Variants in IGLL5 observed in about 807,000 individuals in gnomAD.
IGLL5 encodes the protein immunoglobulin lambda-like polypeptide 5.
In IGLL5, 30 loss-of-function variants were observed where a neutral mutation model predicts 20.9. The observed-to-expected ratio is 1.44, with a 90% CI of 1.07 to 1.95. The LOEUF is 1.95. Ranked by LOEUF, IGLL5 falls within the 30% of genes most tolerant of loss-of-function variation. The pLI, the probability that IGLL5 is intolerant of heterozygous loss-of-function variation, is 0.00. For missense variants in IGLL5, 475 were observed against 270.7 expected (o/e 1.75, Z -5.30); for synonymous variants, 203 against 117.3 (o/e 1.73, Z -4.72).
At chr22:22,888,385 C>T (rs143692709) in intron 1 of IGLL5, 126 bp downstream of exon 1, 15 of 760,994 alleles carry the variant, frequency 2.0e-5, no homozygotes, top group African/African-American at 7.2e-5. Context: ...TGGGCTGACA[C>T]TGGCTTTAGT....
intron 2 of IGLL5, among the ~76,000 whole-genome samples, chr22:22,894,638 A>C (rs191514906): frequency 2.0e-5 from 3 of 150,330 alleles, no homozygotes; most frequent in East Asian, 2.1e-4. Flanking sequence ...CTCCATGGCT[A>C]CCAGGTGAAG....
chr22:22,888,973 G>T (rs188800984), intron 1 of IGLL5, among the ~76,000 whole-genome samples: 2 of 151,378 alleles, frequency 1.3e-5, no homozygotes, highest in East Asian at 2.0e-4. Context: ...GGAGAGCACA[G>T]GATGAGGCTG....
intron 2 of IGLL5, among the ~76,000 whole-genome samples, chr22:22,894,108 T>C (rs536236188): frequency 6.6e-6 from 1 of 151,478 alleles, no homozygotes; most frequent in African/African-American, 2.4e-5. Flanking sequence ...GGACAGAGGC[T>C]GGTTCTGATG....
rs2146054180 is a variant in IGLL5, at chr22:22,895,474, A to T, written c.425A>T (p.Tyr142Phe). Residue 142 changes from tyrosine to phenylalanine, a missense_variant, in exon 3 of 3, where the codon TAC becomes TTC. Transcript: ENST00000526893. ...CTAGTGTGTCTGATCAGTGACTTCT[A>T]CCCGGGAGCTGTGACAGTGGCCTGG... ...ATLVCLISDFYPGAVTVAWKA... is the reference protein window; with the variant it reads ...ATLVCLISDFFPGAVTVAWKA... The T allele has an allele frequency of 6.2e-7, 1 of 1,612,710 alleles. No homozygotes were observed. Among genetic ancestry groups the T allele is most frequent in the South Asian group, 1.1e-5 (1 of 90,994 alleles).
intron 1 of IGLL5, among the ~76,000 whole-genome samples, chr22:22,891,408 C>A (rs1469711568): frequency 1.3e-5 from 2 of 151,104 alleles, no homozygotes; most frequent in Non-Finnish European, 2.9e-5. Context: ...TTGAGCTATT[C>A]CTGCGCCCAC....
At chr22:22,893,964 C>A (rs762216744) in intron 2 of IGLL5, 146 bp downstream of exon 2, 4 of 689,876 alleles carry the variant, frequency 5.8e-6, no homozygotes, top group East Asian at 2.7e-5. Flanking sequence ...GGAGGAGGTG[C>A]ATTAGTCTCC....
intron 1 of IGLL5, among the ~76,000 whole-genome samples, chr22:22,890,356 G>A (rs2067793873): frequency 6.9e-6 from 1 of 145,340 alleles, no homozygotes; most frequent in South Asian, 2.3e-4. Context: ...GTTGGTGCTG[G>A]GATTTTATTT....
At chr22:22,894,614 A>C (rs543448510) in intron 2 of IGLL5, among the ~76,000 whole-genome samples, 1 of 151,036 alleles carries the variant, frequency 6.6e-6, no homozygotes, top group East Asian at 2.1e-4. Flanking sequence ...GGAGTGAATG[A>C]GGGGTGCAGA....
rs762998471 is a variant in IGLL5, at chr22:22,888,214, C to T, written c.161C>T (p.Ala54Val). The change falls in exon 1 of 3, where the codon GCC becomes GTC. Residue 54 changes from alanine (A) to valine (V), a missense_variant. Ala to Val is a moderately conservative substitution (Grantham distance 64, BLOSUM62 0). Coordinates refer to ENST00000526893, the MANE Select transcript of IGLL5 (RefSeq NM_001178126.2). Reference protein sequence around the residue: ...APQSGDPDPGASVGSSRSSLR... With the variant: ...APQSGDPDPGVSVGSSRSSLR... ...CAAAGCGGGGACCCAGACCCTGGAG[C>T]CTCAGTTGGAAGCAGCCGATCCAGC... The T allele has an allele frequency of 1.9e-5, 30 of 1,548,368 alleles. No homozygotes were observed. The highest frequency in any genetic ancestry group is 7.9e-5 in the Admixed American group (4 of 50,752).
chr22:22,888,709 G>C (rs140947096), intron 1 of IGLL5, among the ~76,000 whole-genome samples: 12 of 151,262 alleles, frequency 7.9e-5, no homozygotes, highest in Middle Eastern at 3.7e-3. Flanking sequence ...CAAGGGCTTG[G>C]TTTGGTCTCC....
chr22:22,891,910 T>C (rs561230909), intron 1 of IGLL5, among the ~76,000 whole-genome samples: 1 of 151,234 alleles, frequency 6.6e-6, no homozygotes, highest in South Asian at 2.1e-4. Context: ...TCTCCGTGTG[T>C]GTGTGTGTGT....
At chr22:22,894,368 C>A (rs1451504272) in intron 2 of IGLL5, among the ~76,000 whole-genome samples, 2 of 151,424 alleles carry the variant, frequency 1.3e-5, no homozygotes, top group African/African-American at 2.4e-5. Flanking sequence ...TAGGCTGCAG[C>A]TCTGTGGCCT....
intron 1 of IGLL5, among the ~76,000 whole-genome samples, chr22:22,888,821 T>A (rs563860019): frequency 2.0e-5 from 3 of 151,324 alleles, no homozygotes; most frequent in East Asian, 4.1e-4. Flanking sequence ...GTCCAGTCAT[T>A]GGAACAGGCC....
intron 1 of IGLL5, among the ~76,000 whole-genome samples, chr22:22,889,555 A>G (rs2067732741): frequency 2.6e-5 from 4 of 151,240 alleles, no homozygotes; most frequent in African/African-American, 7.3e-5. Context: ...ATCTACCAGA[A>G]AGGGTGTGAA....
Position 22,888,840 on chromosome 22 carries a change from A to C in IGLL5, c.206+581A>C, listed in dbSNP as rs573801604. On this transcript the variant is annotated intron_variant, in intron 1 of 2. Coordinates refer to ENST00000526893, the MANE Select transcript of IGLL5 (RefSeq NM_001178126.2). ...AGTCATTGGAACAGGCCCACGGCCCATGTTTGGAGCAATAAAGGGAGAGGG... is the reference window on the plus strand; with the variant it reads ...AGTCATTGGAACAGGCCCACGGCCCCTGTTTGGAGCAATAAAGGGAGAGGG... 4.0e-5 allele frequency among the ~76,000 whole-genome samples: 6 copies of C among 151,406 alleles called. 2 individuals carry two copies. The highest frequency in any genetic ancestry group is 4.1e-4 in the East Asian group (2 of 4,932).
At chr22:22,894,695 T>C (rs2066683778) in intron 2 of IGLL5, among the ~76,000 whole-genome samples, 3 of 151,142 alleles carry the variant, frequency 2.0e-5, no homozygotes, top group Middle Eastern at 3.8e-3. Context: ...GGCTGCTGAG[T>C]CTCATAGTCT....
At chr22:22,888,349 A>G (rs542216101) in intron 1 of IGLL5, 90 bp downstream of exon 1, 10 of 1,259,406 alleles carry the variant, frequency 7.9e-6, no homozygotes, top group East Asian at 7.7e-5. Context: ...AGGAGTGAGG[A>G]GGAAGGTTAA....
At position 22,893,779 on chromosome 22, in the gene IGLL5, T is replaced by TGG. The variant is rs1272493134; in HGVS notation, c.287_288insGG (p.Cys96TrpfsTer14). ...GTTTTGGTCTGAGCCTCAGTCACTG[T>TGG]GTTATGTCTTCGGAACTGGGACCAA... is the stretch of plus-strand genomic sequence containing the variant. On this transcript the variant is annotated frameshift_variant, in exon 2 of 3. Coordinates refer to ENST00000526893, the MANE Select transcript of IGLL5 (RefSeq NM_001178126.2). LOFTEE classifies it high-confidence loss of function. The TGG allele has an allele frequency of 1.9e-6, 3 of 1,605,074 alleles. 1 individual carries two copies. The highest frequency in any genetic ancestry group is 1.4e-5 in the African/African-American group (1 of 73,938).
At chr22:22,888,396 A>C (rs184553832) in intron 1 of IGLL5, 137 bp downstream of exon 1, 12 of 676,710 alleles carry the variant, frequency 1.8e-5, no homozygotes, top group Admixed American at 8.8e-5. Context: ...TGGCTTTAGT[A>C]ATGGGTTGAT....
Sources: allele counts gnomAD v4.1 joint callset (sites outside exome capture counted in the v4.1 genomes callset), GRCh38; gene constraint gnomAD v4.1.1; transcripts MANE v1.5; gene names NCBI Gene and HGNC (gene_info 2026-07-23, HGNC 2026-07-21).